Variants in SLC12A3 observed in about 807,000 individuals in gnomAD.
SLC12A3 encodes solute carrier family 12 member 3.
Under a neutral mutation model 121.0 loss-of-function variants are expected in SLC12A3, and 104 were observed. The observed-to-expected ratio is 0.86, with a 90% CI of 0.73 to 1.01. The LOEUF (loss-of-function observed/expected upper bound fraction) is 1.01, where lower values mean the gene tolerates loss of function less well. Ranked by LOEUF, SLC12A3 falls within the 50% of genes least tolerant of loss-of-function variation. The pLI is 0.00. For missense variants in SLC12A3, 1,328 were observed against 1,356.3 expected (o/e 0.98, Z 0.33); for synonymous variants, 536 against 533.4 (o/e 1.00, Z -0.07).
At chr16:56,882,371 C>G in intron 12 of SLC12A3, 25 bp from the exon 13 acceptor site, 29 of 1,585,464 alleles carry the variant, frequency 1.8e-5, no homozygotes, top group Non-Finnish European at 2.5e-5. Context: ...AACAGGCTGT[C>G]CTCTCTCTCC....
intron 8 of SLC12A3, 130 bp from the exon 9 acceptor site, chr16:56,877,947 G>T (rs1466976217): frequency 1.6e-6 from 1 of 633,586 alleles, no homozygotes; most frequent in Admixed American, 2.5e-5. Flanking sequence ...GTCAGAGGTT[G>T]CTGCCCCCAG....
rs201058248 is a variant in SLC12A3 at position 56,913,326 on chromosome 16, C to A, written c.2987C>A (p.Thr996Asn). Residue 996 changes from threonine (T) to asparagine (N), a missense_variant, in exon 26 of 26, where the codon ACC becomes AAC. Physicochemically the swap from Thr to Asn is moderately conservative, Grantham distance 65 (BLOSUM62 0). Coordinates refer to ENST00000563236, the MANE Select transcript of SLC12A3 (RefSeq NM_001126108.2). ...PSSLYMAWLE[T>N]LSQDLRPPVI... ...TCGCTGTACATGGCCTGGCTGGAGA[C>A]CCTGTCCCAGGACCTCAGACCTCCA... 52 of 1,614,024 alleles carry A rather than the reference C, an allele frequency of 3.2e-5. No homozygotes were observed. Among genetic ancestry groups the A allele is most frequent in the East Asian group, 2.2e-5 (1 of 44,902 alleles).
Position 56,907,328 on chromosome 16 carries a change from C to T in SLC12A3, c.2924+2866C>T, listed in dbSNP as rs376476615. Among the ~76,000 whole-genome samples the T allele has an allele frequency of 3.0e-3, 453 of 152,182 alleles. 5 individuals carry two copies. The South Asian group carries it at 0.036, about 12-fold the overall frequency. ...AAAAAATTAGCCAGGCTTGGTGGTGCACACCTGTAATCCCAGCTACTTGGG... is the reference window on the plus strand; with the variant it reads ...AAAAAATTAGCCAGGCTTGGTGGTGTACACCTGTAATCCCAGCTACTTGGG... On this transcript the variant is annotated intron_variant, in intron 25 of 25. Transcript: ENST00000563236.
chr16:56,888,063 C>A, intron 18 of SLC12A3, 32 bp downstream of exon 18: 1 of 1,538,510 alleles, frequency 6.5e-7, no homozygotes, highest in South Asian at 1.1e-5. Context: ...GGCTTGGGGT[C>A]TGTTAATTTG....
chr16:56,872,548 G>A, intron 7 of SLC12A3, 86 bp downstream of exon 7: 3 of 1,586,264 alleles, frequency 1.9e-6, no homozygotes, highest in Non-Finnish European at 1.7e-6. Flanking sequence ...GACACTGGGA[G>A]GATGGGATTA....
chr16:56,866,643 C>T (rs1964362837), intron 1 of SLC12A3, among the ~76,000 whole-genome samples: 1 of 152,130 alleles, frequency 6.6e-6, no homozygotes, highest in Non-Finnish European at 1.5e-5. Flanking sequence ...CAGGAGCGCC[C>T]AGGACTCCCA....
intron 13 of SLC12A3, 120 bp from the exon 14 acceptor site, chr16:56,883,929 A>T: frequency 9.2e-7 from 1 of 1,091,570 alleles, no homozygotes; most frequent in South Asian, 1.4e-5. Flanking sequence ...GCTGGTGGGT[A>T]CAGGCTGGGA....
chr16:56,867,507 A>T (rs1272173100), intron 2 of SLC12A3, among the ~76,000 whole-genome samples: 1 of 152,218 alleles, frequency 6.6e-6, no homozygotes, highest in Non-Finnish European at 1.5e-5. Context: ...TATAGTGAGG[A>T]GCAGGATTAA....
rs745526549 is a variant in SLC12A3 at position 56,879,600 on chromosome 16, C to A, written c.1394C>A (p.Thr465Asn). ...PLITAGIFGATLSSALACLVS... is the reference protein window; with the variant it reads ...PLITAGIFGANLSSALACLVS... ...ATCACGGCTGGCATCTTCGGGGCCA[C>A]CCTCTCCTCTGCCCTGGCCTGCCTT... Residue 465 changes from threonine (T) to asparagine (N), a missense_variant, in exon 11 of 26, where the codon ACC becomes AAC. Physicochemically the swap from Thr to Asn is moderately conservative, Grantham distance 65. Transcript: ENST00000563236. 6 of 1,613,784 alleles carry A rather than the reference C, an allele frequency of 3.7e-6. No homozygotes were observed. In the South Asian group the frequency reaches 4.4e-5, roughly 12 times the overall value.
rs941590624 is a variant in SLC12A3, at chr16:56,869,763, G to T, written c.540G>T (p.Thr180=). ...GGATCATCATCCTGCTGTCGGTCAC[G>T]GTGACCTCCATCACAGGCCTCTCCA... ...LTWIIILLSV[T]VTSITGLSIS... is the part of the protein sequence containing the mutation. The change falls in exon 4 of 26, where the codon ACG becomes ACT. Residue 180 remains threonine, a synonymous_variant. Transcript: ENST00000563236. The T allele has an allele frequency of 3.7e-6, 6 of 1,614,058 alleles. No individual in the cohort carries two copies. In the South Asian group the frequency reaches 4.4e-5, roughly 12 times the overall value.
At chr16:56,909,743 C>T (rs1171221482) in intron 25 of SLC12A3, among the ~76,000 whole-genome samples, 16 of 151,948 alleles carry the variant, frequency 1.1e-4, no homozygotes, top group Admixed American at 1.0e-3. Flanking sequence ...GCAAGTTCCT[C>T]AGTGCCTTCC....
rs1392033919 is a variant in SLC12A3 at position 56,915,155 on chromosome 16, A to G, written c.*1750A>G. 3.9e-5 allele frequency: 6 copies of G among 152,266 alleles called. No homozygotes were observed. Among genetic ancestry groups the G allele is most frequent in the South Asian group, 4.1e-4 (2 of 4,830 alleles). 9.4% of individuals were successfully genotyped at this position (152,266 alleles called of 1,614,324 possible). A position where few individuals can be genotyped will look rare whatever the true frequency, so the allele number is the denominator to read the frequency against. On this transcript the variant is annotated 3_prime_UTR_variant, in exon 26 of 26. Coordinates refer to ENST00000563236, the MANE Select transcript of SLC12A3 (RefSeq NM_001126108.2). The stretch of plus-strand genomic sequence containing the variant: ...AGTGAGGGTATTTGCAGCTCTAGAC[A>G]TAACCAAGAAGCGTAAAGGTGAGTT...
At chr16:56,906,676 A>G (rs1209757505) in intron 25 of SLC12A3, 3 of 470,862 alleles carry the variant, frequency 6.4e-6, no homozygotes, top group Non-Finnish European at 1.1e-5. Flanking sequence ...GCCAAAATAT[A>G]CAAGACCACA....
chr16:56,885,365 G>A lies in SLC12A3; in HGVS notation c.1925+1G>A, dbSNP rs1401379546. ...TGGAAGACCACATCAAGAACTACCG[G>A]TGAGCAGAGCTGCTGGGACCCACCT... On this transcript the variant is annotated splice_donor_variant, in intron 15 of 25. Transcript: ENST00000563236. LOFTEE classifies it high-confidence loss of function. 3.9e-6 allele frequency: 6 copies of A among 1,544,132 alleles called. No individual in the cohort carries two copies. In the Admixed American group the frequency reaches 9.8e-5, roughly 25 times the overall value.
intron 6 of SLC12A3, 104 bp downstream of exon 6, chr16:56,870,840 CT>C (rs71152213): frequency 0.084 from 43,637 of 517,654 alleles, 23 homozygotes; most frequent in East Asian, 0.11. Flanking sequence ...TTTTTCTTTT[CT>C]TTTTTTTTTT....
Position 56,880,205 on chromosome 16 carries a change from C to A in SLC12A3, c.1519C>A (p.Arg507Ser), listed in dbSNP as rs369510226. The change falls in exon 12 of 26, where the codon CGT becomes AGT. Residue 507 changes from arginine to serine, a missense_variant. Arg to Ser is a moderately radical substitution (Grantham distance 110). Transcript: ENST00000563236. ...CTATGGCAAGAACAAGGAGCCCGTG[C>A]GTGGCTACCTGCTGGCCTACGCCAT... ...KGYGKNKEPV[R>S]GYLLAYAIAV... is the part of the protein sequence containing the mutation. 2 of 1,595,310 alleles carry A rather than the reference C, an allele frequency of 1.3e-6. No individual in the cohort carries two copies. The highest frequency in any genetic ancestry group is 1.7e-6 in the Non-Finnish European group (2 of 1,171,792).
chr16:56,907,838 G>A (rs2055627524), intron 25 of SLC12A3, among the ~76,000 whole-genome samples: 1 of 152,180 alleles, frequency 6.6e-6, no homozygotes, highest in Non-Finnish European at 1.5e-5. Flanking sequence ...ATTTCAACGT[G>A]TGAATTTTGG....
At chr16:56,866,800 G>A (rs1198874541) in intron 1 of SLC12A3, among the ~76,000 whole-genome samples, 1 of 152,140 alleles carries the variant, frequency 6.6e-6, no homozygotes, top group African/African-American at 2.4e-5. Context: ...TAGAGACAGG[G>A]TTTTACCTTG....
chr16:56,866,984 C>T (rs890914798), intron 1 of SLC12A3, 86 bp from the exon 2 acceptor site: 18 of 1,560,388 alleles, frequency 1.2e-5, no homozygotes, highest in African/African-American at 9.4e-5. Context: ...CGGTATGGGG[C>T]GCAGTGGTGC....
Sources: allele counts gnomAD v4.1 joint callset (sites outside exome capture counted in the v4.1 genomes callset), GRCh38; gene constraint gnomAD v4.1.1; transcripts MANE v1.5; gene names NCBI Gene and HGNC (gene_info 2026-07-23, HGNC 2026-07-21).